Variants in KDM2B observed in about 807,000 individuals in gnomAD.
KDM2B encodes lysine-specific demethylase 2B.
KDM2B carries 26 observed loss-of-function variants against 150.0 expected under a neutral mutation model. The observed-to-expected ratio is 0.17, with a 90% CI of 0.13 to 0.24. KDM2B has a LOEUF of 0.24. Among genes scored for constraint, KDM2B ranks in the 10% least tolerant of loss-of-function variants. KDM2B has a pLI of 1.00. For synonymous variants in KDM2B, 734 were observed against 729.5 expected (o/e 1.01, Z -0.10); for missense variants, 1,265 against 1,816.9 (o/e 0.70, Z 5.52).
intron 4 of KDM2B, among the ~76,000 whole-genome samples, chr12:121,553,159 G>A (rs1307079544): frequency 2.0e-5 from 3 of 151,826 alleles, no homozygotes; most frequent in Non-Finnish European, 4.4e-5. Context: ...GTGAACCCGG[G>A]AGGCGGGGTT....
At chr12:121,476,438 C>T (rs767768491) in intron 12 of KDM2B, among the ~76,000 whole-genome samples, 14 of 151,326 alleles carry the variant, frequency 9.3e-5, no homozygotes, top group Non-Finnish European at 2.1e-4. Context: ...CCTGGGTGAC[C>T]GAACAAGACA....
At chr12:121,483,198 C>T (rs1882350913) in intron 12 of KDM2B, among the ~76,000 whole-genome samples, 1 of 151,252 alleles carries the variant, frequency 6.6e-6, no homozygotes. Context: ...AAGACAAGCT[C>T]CATGCAGTGA....
rs563740806 is a variant in KDM2B, at chr12:121,560,601, G to A, written c.398-10963C>T. ...ACTGAGTTTCAGTTCCTGAATACTC[G>A]GATCACTTCCCTTAAATGTATAAAG... On this transcript the variant is annotated intron_variant, in intron 4 of 22. Coordinates refer to ENST00000377071, the MANE Select transcript of KDM2B (RefSeq NM_032590.5). 1.1e-4 allele frequency among the ~76,000 whole-genome samples: 16 copies of A among 151,908 alleles called. No homozygotes were observed. The East Asian group carries it at 2.3e-3, about 22-fold the overall frequency.
upstream of KDM2B, among the ~76,000 whole-genome samples, chr12:121,582,110 G>T (rs978628074): frequency 6.6e-6 from 1 of 152,124 alleles, no homozygotes; most frequent in Non-Finnish European, 1.5e-5. Context: ...CCTTCAGTCC[G>T]TCCAGAACCA....
At chr12:121,568,137 G>A (rs1251695386) in intron 4 of KDM2B, among the ~76,000 whole-genome samples, 1 of 152,080 alleles carries the variant, frequency 6.6e-6, no homozygotes, top group African/African-American at 2.4e-5. Flanking sequence ...TGAAATAATG[G>A]AGAAAAGACC....
chr12:121,430,757 C>T lies in KDM2B; in HGVS notation c.3830-288G>A. The T allele has an allele frequency of 1.8e-6, 1 of 557,612 alleles. No homozygotes were observed. Among genetic ancestry groups the T allele is most frequent in the South Asian group, 2.7e-5 (1 of 37,378 alleles). 34.5% of individuals were successfully genotyped at this position (557,612 alleles called of 1,614,324 possible). A position where few individuals can be genotyped will look rare whatever the true frequency, so the allele number is the denominator to read the frequency against. ...AGCTGCCTCTATACGTGCGTATGCTCATGTAAGTAGTTCTATGTGCTTTTA... is the reference window on the plus strand; with the variant it reads ...AGCTGCCTCTATACGTGCGTATGCTTATGTAAGTAGTTCTATGTGCTTTTA... On this transcript the variant is annotated intron_variant, in intron 22 of 22. Transcript: ENST00000377071. This position sits in a 1 kb window ranked among gnomAD's most constrained non-coding sequence, Gnocchi z 4.4.
At chr12:121,497,825 C>A (rs1436286844) in intron 11 of KDM2B, among the ~76,000 whole-genome samples, 1 of 151,508 alleles carries the variant, frequency 6.6e-6, no homozygotes, top group Non-Finnish European at 1.5e-5. Flanking sequence ...TGGCCAGTTG[C>A]GGTGGCTCAC....
chr12:121,580,680 C>T, intron 1 of KDM2B, 106 bp downstream of exon 1: 4 of 1,434,880 alleles, frequency 2.8e-6, no homozygotes, highest in Non-Finnish European at 3.7e-6. Flanking sequence ...GTGAAAGCCC[C>T]CGGGGCCTGG....
At chr12:121,516,480 C>T (rs1316080560) in intron 9 of KDM2B, 36 of 1,356,002 alleles carry the variant, frequency 2.7e-5, no homozygotes, top group Admixed American at 6.7e-5. Flanking sequence ...AACAGGTTGT[C>T]GCCTTCCACC....
chr12:121,431,824 A>G (rs1873071987), intron 22 of KDM2B, among the ~76,000 whole-genome samples: 1 of 152,120 alleles, frequency 6.6e-6, no homozygotes, highest in African/African-American at 2.4e-5. Context: ...GAAGATGGGA[A>G]AACGAGAGAT....
chr12:121,452,507 C>A lies in KDM2B; in HGVS notation c.1959+613G>T, dbSNP rs1877460668. Among the ~76,000 whole-genome samples the A allele has an allele frequency of 6.6e-6, 1 of 152,240 alleles. No homozygotes were observed. Among genetic ancestry groups the A allele is most frequent in the African/African-American group, 2.4e-5 (1 of 41,466 alleles). On this transcript the variant is annotated intron_variant, in intron 13 of 22. Coordinates refer to ENST00000377071, the MANE Select transcript of KDM2B (RefSeq NM_032590.5). The surrounding 1 kb of genome is among the most constrained non-coding windows in gnomAD (Gnocchi z 4.4). ...GATGACTCCTCCACAGGGAGGACCG[C>A]CGGCCCCCGGGGAGCAGCGCCCTGA...
At chr12:121,572,380 T>C (rs771620199) in intron 4 of KDM2B, among the ~76,000 whole-genome samples, 41 of 152,148 alleles carry the variant, frequency 2.7e-4, no homozygotes, top group Non-Finnish European at 4.4e-4. Flanking sequence ...CCGTGGCCTC[T>C]GCCACCTCTT....
Position 121,442,379 on chromosome 12 carries a change from CG to C in KDM2B, c.3061del (p.Arg1021ValfsTer22). 2 of 1,503,716 alleles carry C rather than the reference CG, an allele frequency of 1.3e-6. No individual in the cohort carries two copies. 93.1% of individuals were successfully genotyped at this position (1,503,716 alleles called of 1,614,324 possible). ...QLGPSLRSPP[R>X]VISRPPPSVS... ...GGAGGGTGGGGGCCGGGAGATGACA[CG>C]GGGCGGGCTGCGCAGGCTGGGCCCC... is the stretch of plus-strand genomic sequence containing the variant. On this transcript the variant is annotated frameshift_variant, in exon 19 of 23. Transcript: ENST00000377071. LOFTEE classifies it high-confidence loss of function. The surrounding 1 kb of genome is among the most constrained non-coding windows in gnomAD (Gnocchi z 7.7).
chr12:121,551,601 G>A (rs1047675740), intron 4 of KDM2B, among the ~76,000 whole-genome samples: 2 of 152,158 alleles, frequency 1.3e-5, no homozygotes, highest in Admixed American at 6.5e-5. Context: ...CGCCCAGGTT[G>A]GAGTATAGTG....
At chr12:121,417,917 AG>A in the KDM2B span, 8 of 1,611,434 alleles carry the variant, frequency 5.0e-6, no homozygotes, top group Non-Finnish European at 6.8e-6. The surrounding 1 kb of genome is among the most constrained non-coding windows in gnomAD (Gnocchi z 5.0). Flanking sequence ...CACAGGTACG[AG>A]GGGGTAACTA....
At chr12:121,437,976 A>AT (rs1251956745) in intron 22 of KDM2B, among the ~76,000 whole-genome samples, 7 of 152,048 alleles carry the variant, frequency 4.6e-5, no homozygotes, top group Non-Finnish European at 1.0e-4. Flanking sequence ...AATGCAGGCC[A>AT]GGCGTGGTGG....
intron 4 of KDM2B, among the ~76,000 whole-genome samples, chr12:121,559,919 G>C (rs1348109410): frequency 4.7e-5 from 7 of 149,724 alleles, no homozygotes; most frequent in Middle Eastern, 3.2e-3. Flanking sequence ...AAAAAAAAAA[G>C]GAGTAACATC....
At chr12:121,530,639 A>G (rs1468362810) in intron 8 of KDM2B, among the ~76,000 whole-genome samples, 3 of 151,544 alleles carry the variant, frequency 2.0e-5, no homozygotes, top group Non-Finnish European at 4.4e-5. Context: ...ATGACCCTTC[A>G]GGCCAGAAGT....
At chr12:121,538,571 C>T (rs1163286142) in intron 6 of KDM2B, among the ~76,000 whole-genome samples, 2 of 152,132 alleles carry the variant, frequency 1.3e-5, no homozygotes, top group Non-Finnish European at 2.9e-5. Flanking sequence ...TGACTGTGTA[C>T]CCTACATCAT....
Sources: gnomAD v4.1 joint callset for allele counts (sites outside exome capture counted in the v4.1 genomes callset) on GRCh38, gnomAD v4.1.1 for gene constraint, Gnocchi (gnomAD v3.1) non-coding constraint, MANE v1.5 for transcripts, NCBI Gene and HGNC (gene_info 2026-07-23, HGNC 2026-07-21) for gene names.